CALML4: variants seen among roughly 807,000 people sequenced by gnomAD.
CALML4 encodes the protein calmodulin-like protein 4.
CALML4 carries 16 observed loss-of-function variants against 17.9 expected under a neutral mutation model. That is an observed-to-expected ratio of 0.89 (90% CI 0.61 to 1.36). The LOEUF (loss-of-function observed/expected upper bound fraction) is 1.36, where lower values mean the gene tolerates loss of function less well. CALML4 is among the 40% of genes most tolerant of loss of function. CALML4 has a pLI of 0.00. For synonymous variants in CALML4, 86 were observed against 71.5 expected, an observed-to-expected ratio of 1.20 and a Z score of -1.02; for missense variants, 203 against 194.8, an observed-to-expected ratio of 1.04 and a Z score of -0.25.
chr15:68,198,775 T>G (rs1403460892), intron 3 of CALML4, among the ~76,000 whole-genome samples: 1 of 152,118 alleles, frequency 6.6e-6, no homozygotes, highest in Non-Finnish European at 1.5e-5. Context: ...TTTAGGTCAG[T>G]CTTTGATATC....
chr15:68,196,023 G>A (rs2093142876), intron 4 of CALML4, among the ~76,000 whole-genome samples: 2 of 152,252 alleles, frequency 1.3e-5, no homozygotes, highest in South Asian at 4.1e-4. Flanking sequence ...TGGAAAAGCT[G>A]GGTATGGAGA....
chr15:68,199,779 T>A, intron 2 of CALML4, 98 bp from the exon 3 acceptor site: 1 of 1,349,976 alleles, frequency 7.4e-7, no homozygotes, highest in Non-Finnish European at 1.0e-6. Context: ...TTCCCCTTCC[T>A]TTTGCCTACT....
intron 2 of CALML4, among the ~76,000 whole-genome samples, chr15:68,203,744 C>A (rs745471394): frequency 6.6e-6 from 1 of 152,158 alleles, no homozygotes; most frequent in Admixed American, 6.5e-5. Flanking sequence ...GGTGAGAAAA[C>A]CGAGGCTCAA....
At position 68,193,959 on chromosome 15, in the gene CALML4, A is replaced by AAAAATTAATTGCTCCAAGTTTT. The variant is rs546301779; in HGVS notation, c.*34_*55dup. 1.9e-4 allele frequency: 261 copies of AAAAATTAATTGCTCCAAGTTTT among 1,346,866 alleles called. No homozygotes were observed. The East Asian group carries it at 4.7e-3, about 24-fold the overall frequency. 83.4% of individuals were successfully genotyped at this position (1,346,866 alleles called of 1,614,324 possible). On this transcript the variant is annotated 3_prime_UTR_variant, in exon 5 of 5. Coordinates refer to ENST00000467889, the MANE Select transcript of CALML4 (RefSeq NM_033429.3). ...CCAAGTGAAAAGAACACTTTTTAAA[A>AAAAATTAATTGCTCCAAGTTTT]AAAATTAATTGCTCCAAGTTTTCAG...
At chr15:68,194,146 C>T (rs2093132610) in intron 4 of CALML4, 34 bp from the exon 5 acceptor site, 12 of 1,555,194 alleles carry the variant, frequency 7.7e-6, no homozygotes, top group Admixed American at 3.3e-5. Context: ...TTCAGTTTGG[C>T]TTTAGTGTTC....
At chr15:68,198,529 A>G (rs1180098885) in intron 3 of CALML4, 1 of 152,218 alleles carries the variant, frequency 6.6e-6, no homozygotes, top group South Asian at 2.1e-4. Context: ...GCAAACAGCA[A>G]CCCCAGGCTC....
Position 68,193,202 on chromosome 15 carries a change from C to G in CALML4, c.*813G>C, listed in dbSNP as rs2093128225. On this transcript the variant is annotated 3_prime_UTR_variant, in exon 5 of 5. Transcript: ENST00000467889. ...CCTGTTAACAGAGCCCAGGGAACAG[C>G]TCGGAATTCTCACAGCATTGGAAGC... is the stretch of plus-strand genomic sequence containing the variant. The G allele has an allele frequency of 6.6e-6, 1 of 152,406 alleles. No individual in the cohort carries two copies. Among genetic ancestry groups the G allele is most frequent in the Non-Finnish European group, 1.5e-5 (1 of 68,198 alleles). The allele number at this position is 152,406 out of a possible 1,614,324, so 9.4% of individuals were successfully genotyped here. A position where few individuals can be genotyped will look rare whatever the true frequency, so the allele number is the denominator to read the frequency against.
chr15:68,192,306 A>G lies in CALML4; in HGVS notation c.*1709T>C, dbSNP rs1446954960. 1 of 152,174 alleles carries G rather than the reference A, an allele frequency of 6.6e-6. No homozygotes were observed. Among genetic ancestry groups the G allele is most frequent in the African/African-American group, 2.4e-5 (1 of 41,442 alleles). 9.4% of individuals were successfully genotyped at this position (152,174 alleles called of 1,614,324 possible). On this transcript the variant is annotated 3_prime_UTR_variant, in exon 5 of 5. Transcript: ENST00000467889. ...CTCTGGTGGATTTACCATGAAGGTA[A>G]TGAAGTTTAAGCACCAGGACCCTTC...
At chr15:68,206,110 C>T (rs1449460527), upstream of CALML4, 1 of 152,392 alleles carries the variant, frequency 6.6e-6, no homozygotes, top group African/African-American at 2.4e-5. Context: ...CCCTCAGCCC[C>T]ACCCCTTCCG....
At chr15:68,196,631 G>C (rs2093145770) in intron 4 of CALML4, among the ~76,000 whole-genome samples, 1 of 152,100 alleles carries the variant, frequency 6.6e-6, no homozygotes, top group Non-Finnish European at 1.5e-5. Context: ...GCTGGCTGCT[G>C]CGAACATGGC....
chr15:68,203,035 A>G (rs944500768), intron 2 of CALML4, among the ~76,000 whole-genome samples: 2 of 151,998 alleles, frequency 1.3e-5, no homozygotes, highest in Admixed American at 6.6e-5. Flanking sequence ...GGCTGGTCTC[A>G]AACTCCTGAC....
rs911541678 is a variant in CALML4, at chr15:68,197,151, G to C, written c.364+289C>G. Among the ~76,000 whole-genome samples the C allele has an allele frequency of 2.6e-5, 4 of 152,052 alleles. No homozygotes were observed. The highest frequency in any genetic ancestry group is 9.7e-5 in the African/African-American group (4 of 41,414). On this transcript the variant is annotated intron_variant, in intron 4 of 4. Coordinates refer to ENST00000467889, the MANE Select transcript of CALML4 (RefSeq NM_033429.3). The surrounding 1 kb of genome is among the most constrained non-coding windows in gnomAD (Gnocchi z 4.1). ...CCCACAGTGAGAGCTTGAACACAGGGGGAGACCAGACTGCACGCTCCAGCT... is the reference window on the plus strand; with the variant it reads ...CCCACAGTGAGAGCTTGAACACAGGCGGAGACCAGACTGCACGCTCCAGCT...
chr15:68,196,788 A>G (rs1021664408), intron 4 of CALML4, among the ~76,000 whole-genome samples: 3 of 152,206 alleles, frequency 2.0e-5, no homozygotes, highest in African/African-American at 7.2e-5. Flanking sequence ...GCTAGGCTGC[A>G]GGAAGGTGCA....
rs1205991130 is a variant in CALML4, at chr15:68,205,228, C to A, written c.3+17G>T. ...GCCCCCAGCCCTGGCCAGGCCGACACAGACCCTCACACTCACCATTCTGGG... is the reference window on the plus strand; with the variant it reads ...GCCCCCAGCCCTGGCCAGGCCGACAAAGACCCTCACACTCACCATTCTGGG... On this transcript the variant is annotated intron_variant, in intron 1 of 4. Transcript: ENST00000467889. The surrounding 1 kb of genome is among the most constrained non-coding windows in gnomAD (Gnocchi z 4.8). 1.2e-6 allele frequency: 2 copies of A among 1,614,158 alleles called. No homozygotes were observed. Among genetic ancestry groups the A allele is most frequent in the Non-Finnish European group, 1.7e-6 (2 of 1,180,016 alleles).
intron 2 of CALML4, 172 bp from the exon 3 acceptor site, chr15:68,199,853 A>G (rs2093159584): frequency 3.4e-6 from 2 of 580,872 alleles, no homozygotes; most frequent in Non-Finnish European, 5.6e-6. Context: ...CAGGACTGCC[A>G]AGTTAAACCG....
At position 68,193,996 on chromosome 15, in the gene CALML4, G is replaced by T; in HGVS notation, c.*19C>A. ...CTCCAAGTTTTCAGGCCCAGGGGAG[G>T]CTCTCCCATTCTCCTCCTTCAATAG... On this transcript the variant is annotated 3_prime_UTR_variant, in exon 5 of 5. Coordinates refer to ENST00000467889, the MANE Select transcript of CALML4 (RefSeq NM_033429.3). 1.3e-6 allele frequency: 2 copies of T among 1,565,292 alleles called. No individual in the cohort carries two copies. Among genetic ancestry groups the T allele is most frequent in the Non-Finnish European group, 1.8e-6 (2 of 1,137,490 alleles).
chr15:68,202,230 G>C (rs2093167458), intron 2 of CALML4, among the ~76,000 whole-genome samples: 1 of 152,204 alleles, frequency 6.6e-6, no homozygotes, highest in Non-Finnish European at 1.5e-5. Context: ...ATGTACTTGT[G>C]TCCTCTGCAC....
At chr15:68,198,786 A>G (rs1409914517) in intron 3 of CALML4, among the ~76,000 whole-genome samples, 2 of 152,250 alleles carry the variant, frequency 1.3e-5, no homozygotes, top group Non-Finnish European at 2.9e-5. Flanking sequence ...CTTTGATATC[A>G]GAAGAATTGG....
At chr15:68,203,880 G>A (rs950030762) in intron 2 of CALML4, among the ~76,000 whole-genome samples, 3 of 152,132 alleles carry the variant, frequency 2.0e-5, no homozygotes, top group African/African-American at 7.2e-5. Flanking sequence ...TCAGATACTG[G>A]GATACAAAGA....
Sources: allele counts gnomAD v4.1 joint callset (sites outside exome capture counted in the v4.1 genomes callset), GRCh38; gene constraint gnomAD v4.1.1; non-coding constraint Gnocchi (gnomAD v3.1); transcripts MANE v1.5; gene names NCBI Gene and HGNC (gene_info 2026-07-23, HGNC 2026-07-21).